The following KDM4C variants were observed in gnomAD, a reference collection of about 807,000 sequenced individuals.
The protein encoded by KDM4C is lysine demethylase 4C, also known as lysine-specific demethylase 4C.
A neutral mutation model predicts 129.3 loss-of-function variants in KDM4C; 81 were observed. The ratio of observed to expected loss-of-function variants is 0.63; its 90% CI spans 0.52 to 0.75. The LOEUF is 0.75. Ranked by LOEUF, KDM4C falls within the 30% of genes least tolerant of loss-of-function variation. The pLI is 0.00. For synonymous variants in KDM4C, 573 were observed against 456.1 expected (o/e 1.26, Z -3.26); for missense variants, 1,457 against 1,304.0 (o/e 1.12, Z -1.81).
At chr9:7,106,921 A>T (rs10815516) in intron 18 of KDM4C, among the ~76,000 whole-genome samples, 34,698 of 152,100 alleles carry the variant, frequency 0.23, 4,204 homozygotes, top group East Asian at 0.46. Flanking sequence ...AGCAGAGTTT[A>T]TAATTAGAAT....
chr9:6,851,274 C>G (rs1838799265), intron 5 of KDM4C, among the ~76,000 whole-genome samples: 1 of 152,172 alleles, frequency 6.6e-6, no homozygotes, highest in South Asian at 2.1e-4. Flanking sequence ...CCACTGCACC[C>G]AGCACTCAGG....
chr9:7,070,248 A>G (rs1833008418), intron 17 of KDM4C, among the ~76,000 whole-genome samples: 1 of 152,204 alleles, frequency 6.6e-6, no homozygotes, highest in East Asian at 1.9e-4. Context: ...TTCTAGAATA[A>G]AACTGCAGGC....
chr9:7,095,107 G>T (rs1293719022), intron 17 of KDM4C, among the ~76,000 whole-genome samples: 1 of 152,208 alleles, frequency 6.6e-6, no homozygotes, highest in Non-Finnish European at 1.5e-5. Flanking sequence ...AAAATGCCTG[G>T]GGGAAGTTGG....
intron 8 of KDM4C, among the ~76,000 whole-genome samples, chr9:6,957,061 A>G (rs12335507): frequency 0.13 from 19,872 of 152,090 alleles, 3,176 homozygotes; most frequent in African/African-American, 0.38. Context: ...GACCCACTTC[A>G]TAGTGGGGCT....
At chr9:6,737,249 C>T (rs948437928) in intron 1 of KDM4C, among the ~76,000 whole-genome samples, 10 of 151,878 alleles carry the variant, frequency 6.6e-5, no homozygotes, top group Non-Finnish European at 1.3e-4. Context: ...AAAAGACAAC[C>T]TACAGACTGG....
chr9:7,040,993 T>G (rs1828502041), intron 15 of KDM4C, among the ~76,000 whole-genome samples: 1 of 151,916 alleles, frequency 6.6e-6, no homozygotes, highest in African/African-American at 2.4e-5. Flanking sequence ...TTTTTTCACC[T>G]TTTAGTACTC....
chr9:6,730,905 A>T (rs1195291613), intron 1 of KDM4C, among the ~76,000 whole-genome samples: 3 of 152,208 alleles, frequency 2.0e-5, no homozygotes, highest in Non-Finnish European at 4.4e-5. Context: ...CTCTTGTTAC[A>T]GGCAAATACT....
At chr9:6,788,729 C>G (rs1255266992) in intron 1 of KDM4C, among the ~76,000 whole-genome samples, 1 of 152,116 alleles carries the variant, frequency 6.6e-6, no homozygotes, top group African/African-American at 2.4e-5. Context: ...GCTGATGGCT[C>G]AGTGGGTGGT....
chr9:6,825,146 C>CAAAAAAAAAAAAAAAAAA (rs776343731), intron 4 of KDM4C, among the ~76,000 whole-genome samples: 1 of 79,950 alleles, frequency 1.3e-5, no homozygotes, highest in East Asian at 3.3e-4. Flanking sequence ...AACTCGGTCT[C>CAAAAAAAAAAAAAAAAAA]AAAAAAAAAA....
intron 1 of KDM4C, among the ~76,000 whole-genome samples, chr9:6,741,965 T>A (rs1295572117): frequency 6.6e-6 from 1 of 151,870 alleles, no homozygotes; most frequent in Non-Finnish European, 1.5e-5. Context: ...ATAAAATGTT[T>A]TTATTTATTT....
chr9:7,107,349 TAGTC>T (rs1837805215), intron 18 of KDM4C, among the ~76,000 whole-genome samples: 3 of 152,206 alleles, frequency 2.0e-5, no homozygotes. Flanking sequence ...TTCAAACAAA[TAGTC>T]AGCTACCTAT....
intron 8 of KDM4C, among the ~76,000 whole-genome samples, chr9:6,917,477 A>G (rs1578324): frequency 0.31 from 47,002 of 151,968 alleles, 7,744 homozygotes; most frequent in South Asian, 0.43. Context: ...CCTTTCTTTC[A>G]CTTTGTTATA....
chr9:6,904,919 T>G (rs1184716165), intron 8 of KDM4C, among the ~76,000 whole-genome samples: 1 of 152,116 alleles, frequency 6.6e-6, no homozygotes, highest in Non-Finnish European at 1.5e-5. Flanking sequence ...GCTTGGTTTC[T>G]AAGTACGAGC....
intron 4 of KDM4C, among the ~76,000 whole-genome samples, chr9:6,821,432 A>G (rs1833012470): frequency 1.3e-5 from 2 of 152,270 alleles, no homozygotes; most frequent in East Asian, 1.9e-4. Flanking sequence ...GTGAGATGGT[A>G]TCTCATTGTG....
chr9:6,881,863 T>A (rs1025431980), intron 6 of KDM4C, among the ~76,000 whole-genome samples: 4 of 152,224 alleles, frequency 2.6e-5, no homozygotes, highest in Non-Finnish European at 5.9e-5. Flanking sequence ...GCTAAATAAT[T>A]AAAATGATAA....
Position 7,008,303 on chromosome 9 carries a change from C to G in KDM4C, c.1787-3395C>G, listed in dbSNP as rs753329142. Among the ~76,000 whole-genome samples, 17 of 152,270 alleles carry G rather than the reference C, an allele frequency of 1.1e-4. No homozygotes were observed. In the South Asian group the frequency reaches 1.2e-3, roughly 11 times the overall value. On this transcript the variant is annotated intron_variant, in intron 12 of 21. Transcript: ENST00000381309. ...TGAGCCTCCAGGATTGCTCCAGTGT[C>G]AGGCCATCTCTCAGCCTCAAGACTA...
At chr9:6,968,863 TGTTTTA>T (rs1831454369) in intron 8 of KDM4C, among the ~76,000 whole-genome samples, 1 of 152,216 alleles carries the variant, frequency 6.6e-6, no homozygotes, top group Non-Finnish European at 1.5e-5. Context: ...TACAATAATC[TGTTTTA>T]GTTTGAGTGT....
At chr9:7,084,123 T>G (rs1390784010) in intron 17 of KDM4C, among the ~76,000 whole-genome samples, 1 of 152,198 alleles carries the variant, frequency 6.6e-6, no homozygotes, top group Non-Finnish European at 1.5e-5. Flanking sequence ...CTAACTGTGC[T>G]GGGGAGCTTA....
intron 18 of KDM4C, among the ~76,000 whole-genome samples, chr9:7,124,529 T>G (rs573480220): frequency 6.6e-6 from 1 of 152,262 alleles, no homozygotes; most frequent in South Asian, 2.1e-4. Context: ...CCTCCACTCA[T>G]ATTAATTACT....
Sources: allele counts gnomAD v4.1 joint callset (sites outside exome capture counted in the v4.1 genomes callset), GRCh38; gene constraint gnomAD v4.1.1; transcripts MANE v1.5; gene names NCBI Gene and HGNC (gene_info 2026-07-23, HGNC 2026-07-21).